TBCD: variants seen among roughly 807,000 people sequenced by gnomAD.
TBCD encodes tubulin folding cofactor D, also known as tubulin-specific chaperone D.
A neutral mutation model predicts 169.3 loss-of-function variants in TBCD; 105 were observed. That is an observed-to-expected ratio of 0.62 (90% CI 0.53 to 0.73). The LOEUF (loss-of-function observed/expected upper bound fraction) is 0.73. Among genes scored for constraint, TBCD ranks in the 30% least tolerant of loss-of-function variants. The pLI is 0.00. For synonymous variants in TBCD, 700 were observed against 643.9 expected (o/e 1.09, Z -1.32); for missense variants, 1,444 against 1,600.1 (o/e 0.90, Z 1.66).
At chr17:82,821,899 G>A (rs866321092) in intron 13 of TBCD, among the ~76,000 whole-genome samples, 6 of 151,992 alleles carry the variant, frequency 3.9e-5, no homozygotes, top group East Asian at 1.9e-4. Flanking sequence ...TATAAATTTC[G>A]AAAAAATTTT....
rs1310386594 is a variant in TBCD at position 82,880,736 on chromosome 17, C to T, written c.1476-3409C>T. Among the ~76,000 whole-genome samples the T allele has an allele frequency of 6.6e-6, 1 of 152,192 alleles. No homozygotes were observed. Among genetic ancestry groups the T allele is most frequent in the Non-Finnish European group, 1.5e-5 (1 of 68,028 alleles). On this transcript the variant is annotated intron_variant, in intron 14 of 38. Transcript: ENST00000355528. The surrounding 1 kb of genome is among the most constrained non-coding windows in gnomAD (Gnocchi z 5.0). ...CAGTGACACCTGTCTGTCCGTCCGT[C>T]TGTCCACAGGAGCAGGAGGGGCTGG...
At chr17:82,931,279 T>C (rs994129330) in intron 33 of TBCD, among the ~76,000 whole-genome samples, 1 of 152,236 alleles carries the variant, frequency 6.6e-6, no homozygotes, top group African/African-American at 2.4e-5. Context: ...CCAGCCATGT[T>C]TTCTTTTCTC....
At chr17:82,809,623 G>A in intron 11 of TBCD, 85 bp from the exon 12 acceptor site, 1 of 1,393,590 alleles carries the variant, frequency 7.2e-7, no homozygotes, top group South Asian at 1.2e-5. Context: ...GAAAGGATGG[G>A]TGTTCAGGCC....
chr17:82,856,870 G>T (rs1453703512), intron 13 of TBCD, among the ~76,000 whole-genome samples: 2 of 141,584 alleles, frequency 1.4e-5, no homozygotes, highest in South Asian at 2.3e-4. Flanking sequence ...GCTGGACCGC[G>T]TGCGGACCCT....
intron 13 of TBCD, among the ~76,000 whole-genome samples, chr17:82,827,897 T>C (rs1277036785): frequency 1.2e-5 from 1 of 83,754 alleles, no homozygotes; most frequent in African/African-American, 5.1e-5. Flanking sequence ...ACCCACACAA[T>C]CTAATGCACA....
chr17:82,851,291 TAAAAA>T (rs1050736026), intron 13 of TBCD, among the ~76,000 whole-genome samples: 20 of 152,058 alleles, frequency 1.3e-4, no homozygotes, highest in South Asian at 6.2e-4. Context: ...AGTTTAAAAA[TAAAAA>T]TAAACAGTCA....
intron 13 of TBCD, 79 bp from the exon 14 acceptor site, chr17:82,870,145 C>T: frequency 1.3e-6 from 2 of 1,592,592 alleles, no homozygotes; most frequent in Non-Finnish European, 1.7e-6. Context: ...CGCTCCGGCC[C>T]TGAGCCCCAC....
intron 34 of TBCD, among the ~76,000 whole-genome samples, chr17:82,933,919 C>G (rs2147405348): frequency 6.6e-6 from 1 of 152,358 alleles, no homozygotes; most frequent in South Asian, 2.1e-4. Flanking sequence ...GGCTTGGGCG[C>G]TACTCTTAAG....
intron 13 of TBCD, among the ~76,000 whole-genome samples, chr17:82,841,870 G>T (rs1210255206): frequency 6.6e-6 from 1 of 152,168 alleles, no homozygotes; most frequent in African/African-American, 2.4e-5. Context: ...TGGAGGGGCA[G>T]CTGGAATCCT....
intron 3 of TBCD, 68 bp from the exon 4 acceptor site, chr17:82,766,199 G>T (rs2048008456): frequency 6.7e-6 from 9 of 1,342,214 alleles, no homozygotes; most frequent in South Asian, 1.3e-5. Context: ...TGATGAAAGG[G>T]TAGAAAGGCA....
chr17:82,773,704 C>T lies in TBCD; in HGVS notation c.638+1197C>T, dbSNP rs528713032. Among the ~76,000 whole-genome samples the T allele has an allele frequency of 8.0e-4, 122 of 151,740 alleles. 1 individual carries two copies. Among genetic ancestry groups the T allele is most frequent in the African/African-American group, 2.9e-3 (118 of 41,360 alleles). ...TCTTCCAAAACGAGATGACCTGGTG[C>T]GAGAGTGTCTTTTCTTTTTCTTTCT... On this transcript the variant is annotated intron_variant, in intron 6 of 38. Transcript: ENST00000355528.
At chr17:82,901,639 C>T (rs1490797993) in intron 18 of TBCD, among the ~76,000 whole-genome samples, 1 of 151,290 alleles carries the variant, frequency 6.6e-6, no homozygotes, top group African/African-American at 2.4e-5. Context: ...TCCTGGGGAG[C>T]GGCCCGGCTA....
chr17:82,924,027 C>T (rs1280536814), intron 26 of TBCD, among the ~76,000 whole-genome samples: 1 of 152,202 alleles, frequency 6.6e-6, no homozygotes, highest in Non-Finnish European at 1.5e-5. Flanking sequence ...TGATTCGGCT[C>T]ACTGCAACCT....
At chr17:82,803,524 C>G (rs924297667) in intron 9 of TBCD, among the ~76,000 whole-genome samples, 1 of 152,170 alleles carries the variant, frequency 6.6e-6, no homozygotes, top group Non-Finnish European at 1.5e-5. Context: ...TCCCCAACAT[C>G]CTCTCCCCCA....
chr17:82,873,073 G>A (rs2057724860), intron 14 of TBCD, among the ~76,000 whole-genome samples: 1 of 152,278 alleles, frequency 6.6e-6, no homozygotes, highest in Non-Finnish European at 1.5e-5. Context: ...TCGTGGCTGA[G>A]AAGCTCCTCA....
chr17:82,770,616 A>G (rs2048257584), intron 5 of TBCD, among the ~76,000 whole-genome samples: 1 of 151,106 alleles, frequency 6.6e-6, no homozygotes, highest in African/African-American at 2.4e-5. Flanking sequence ...AAAAAAAAAA[A>G]GTAGTATGGT....
intron 14 of TBCD, among the ~76,000 whole-genome samples, chr17:82,876,557 G>T (rs2057991158): frequency 6.6e-6 from 1 of 152,146 alleles, no homozygotes; most frequent in Non-Finnish European, 1.5e-5. Flanking sequence ...TTTATTTCTC[G>T]ATGAGCCAGT....
intron 14 of TBCD, among the ~76,000 whole-genome samples, chr17:82,879,475 G>A (rs1339536913): frequency 2.6e-5 from 4 of 152,184 alleles, no homozygotes; most frequent in Admixed American, 6.5e-5. Flanking sequence ...AGGGTGGGAC[G>A]CTCTGTGCAT....
At chr17:82,888,633 C>T (rs1024728533) in intron 15 of TBCD, among the ~76,000 whole-genome samples, 2 of 152,232 alleles carry the variant, frequency 1.3e-5, no homozygotes, top group African/African-American at 2.4e-5. Context: ...TGGAGCCACC[C>T]GCACGTCTGG....
Sources: gnomAD v4.1 joint callset for allele counts (sites outside exome capture counted in the v4.1 genomes callset) on GRCh38, gnomAD v4.1.1 for gene constraint, Gnocchi (gnomAD v3.1) non-coding constraint, MANE v1.5 for transcripts, NCBI Gene and HGNC (gene_info 2026-07-23, HGNC 2026-07-21) for gene names.